The following NR3C2 variants were observed in gnomAD, a reference collection of about 807,000 sequenced individuals.
The protein encoded by NR3C2 is nuclear receptor subfamily 3 group C member 2.
In NR3C2, 15 loss-of-function variants were observed where a neutral mutation model predicts 86.4. That is an observed-to-expected ratio of 0.17 (90% CI 0.12 to 0.27). The LOEUF (loss-of-function observed/expected upper bound fraction) is 0.27. NR3C2 is among the 10% of genes least tolerant of loss of function. The probability of loss-of-function intolerance (pLI) is 1.00; values close to 1 mark genes in which losing one functional copy is unlikely to be tolerated. For missense variants in NR3C2, 960 were observed against 1,195.6 expected, an observed-to-expected ratio of 0.80 and a Z score of 2.91; for synonymous variants, 458 against 450.5, an observed-to-expected ratio of 1.02 and a Z score of -0.21.
chr4:148,176,869 A>T (rs972493568), intron 4 of NR3C2, among the ~76,000 whole-genome samples: 5 of 152,240 alleles, frequency 3.3e-5, no homozygotes, highest in African/African-American at 1.2e-4. Context: ...AATATGAAAA[A>T]TAATTATATG....
chr4:148,104,329 G>GTGTTTTTGTT (rs148860343), intron 8 of NR3C2, among the ~76,000 whole-genome samples: 5,710 of 124,526 alleles, frequency 0.046, 450 homozygotes, highest in African/African-American at 0.17. Flanking sequence ...TTGTTTTTTT[G>GTGTTTTTGTT]TGTTTTGGTT....
intron 3 of NR3C2, among the ~76,000 whole-genome samples, chr4:148,259,191 C>G (rs918150343): frequency 6.6e-6 from 1 of 152,148 alleles, no homozygotes; most frequent in African/African-American, 2.4e-5. Context: ...TGTGGAGCCC[C>G]TTAGTGAATG....
Position 148,131,546 on chromosome 4 carries a change from C to T in NR3C2, c.2511-11258G>A, listed in dbSNP as rs72961545. 7.2e-5 allele frequency among the ~76,000 whole-genome samples: 11 copies of T among 152,200 alleles called. No individual in the cohort carries two copies. In the East Asian group the frequency reaches 2.1e-3, roughly 29 times the overall value. ...TATTAATTTTTCCTCAACTGACAAA[C>T]AAGATGTATCTGTAGAAGGACCATT... On this transcript the variant is annotated intron_variant, in intron 6 of 8. Transcript: ENST00000358102.
intron 8 of NR3C2, among the ~76,000 whole-genome samples, chr4:148,102,719 A>G (rs1731594423): frequency 6.6e-6 from 1 of 152,210 alleles, no homozygotes; most frequent in African/African-American, 2.4e-5. Flanking sequence ...AATCTGTCAG[A>G]CAGCACCATT....
At chr4:148,177,496 A>G (rs989041407) in intron 4 of NR3C2, among the ~76,000 whole-genome samples, 13 of 152,214 alleles carry the variant, frequency 8.5e-5, no homozygotes, top group Admixed American at 5.2e-4. Context: ...ATTCAGTGTG[A>G]AAATGGGGAA....
At chr4:148,223,162 A>G (rs571834954) in intron 3 of NR3C2, among the ~76,000 whole-genome samples, 3 of 152,118 alleles carry the variant, frequency 2.0e-5, no homozygotes, top group African/African-American at 4.8e-5. Context: ...TCGGCCCTAC[A>G]CTGACACTCC....
intron 4 of NR3C2, among the ~76,000 whole-genome samples, chr4:148,178,075 C>A (rs1022372477): frequency 6.6e-6 from 1 of 152,230 alleles, no homozygotes; most frequent in Non-Finnish European, 1.5e-5. Flanking sequence ...CAGTGGCTCA[C>A]GCCTGTAATC....
rs72658608 is a variant in NR3C2 at position 148,391,175 on chromosome 4, G to A, written c.1757+43929C>T. Among the ~76,000 whole-genome samples the A allele has an allele frequency of 8.7e-4, 133 of 152,166 alleles. 1 individual carries two copies. The highest frequency in any genetic ancestry group is 3.0e-3 in the African/African-American group (125 of 41,512). ...CCCACACATATTTATAAACCAAACA[G>A]GGTCTCAGCCTCTTGTTAGATCCCA... On this transcript the variant is annotated intron_variant, in intron 2 of 8. Transcript: ENST00000358102.
chr4:148,336,793 GTTTT>G (rs1423762413), intron 2 of NR3C2, among the ~76,000 whole-genome samples: 1 of 152,038 alleles, frequency 6.6e-6, no homozygotes, highest in Non-Finnish European at 1.5e-5. Flanking sequence ...GTTTTGATTT[GTTTT>G]TTTCTTTTTC....
intron 2 of NR3C2, among the ~76,000 whole-genome samples, chr4:148,382,552 G>C (rs561506266): frequency 6.6e-6 from 1 of 152,090 alleles, no homozygotes; most frequent in Non-Finnish European, 1.5e-5. Context: ...GTAACTCAGT[G>C]GGAGTTATGA....
intron 2 of NR3C2, among the ~76,000 whole-genome samples, chr4:148,329,273 T>C (rs1196308660): frequency 1.3e-5 from 2 of 152,208 alleles, no homozygotes; most frequent in Admixed American, 1.3e-4. Context: ...TTTTCTGTTC[T>C]TTCTCTGCCA....
At chr4:148,273,027 G>A (rs754962180) in intron 2 of NR3C2, among the ~76,000 whole-genome samples, 4 of 152,058 alleles carry the variant, frequency 2.6e-5, no homozygotes, top group Non-Finnish European at 5.9e-5. Flanking sequence ...GCCATGTACC[G>A]GGGCCAGATG....
intron 2 of NR3C2, among the ~76,000 whole-genome samples, chr4:148,358,403 T>C (rs921236691): frequency 1.4e-5 from 2 of 141,256 alleles, no homozygotes; most frequent in Non-Finnish European, 3.0e-5. Context: ...TTCTCACTCA[T>C]AGGTGGGAAT....
intron 3 of NR3C2, among the ~76,000 whole-genome samples, chr4:148,201,290 A>T (rs946675510): frequency 3.3e-5 from 5 of 152,128 alleles, no homozygotes; most frequent in African/African-American, 1.2e-4. Flanking sequence ...CAGGGAGGGG[A>T]GATGGGCAGG....
Position 148,081,078 on chromosome 4 carries a change from T to C in NR3C2, c.*266A>G. The C allele has an allele frequency of 2.0e-6, 1 of 495,486 alleles. No homozygotes were observed. Among genetic ancestry groups the C allele is most frequent in the Non-Finnish European group, 3.7e-6 (1 of 270,276 alleles). 30.7% of individuals were successfully genotyped at this position (495,486 alleles called of 1,614,324 possible). A position where few individuals can be genotyped will look rare whatever the true frequency, so the allele number is the denominator to read the frequency against. Reference sequence around the variant, plus strand: ...ATCAAAATCAGAGTTATTGACTAGATATGGCTTTTCATCCCGAGGAACAGG... The same window carrying C: ...ATCAAAATCAGAGTTATTGACTAGACATGGCTTTTCATCCCGAGGAACAGG... On this transcript the variant is annotated 3_prime_UTR_variant, in exon 9 of 9. Coordinates refer to ENST00000358102, the MANE Select transcript of NR3C2 (RefSeq NM_000901.5).
intron 6 of NR3C2, among the ~76,000 whole-genome samples, chr4:148,129,418 G>T (rs1732912288): frequency 6.6e-6 from 1 of 152,120 alleles, no homozygotes; most frequent in African/African-American, 2.4e-5. Flanking sequence ...TTTGCAAGAT[G>T]AAAAAGTTCT....
chr4:148,269,226 G>A (rs752245945), intron 2 of NR3C2, among the ~76,000 whole-genome samples: 2 of 152,160 alleles, frequency 1.3e-5, no homozygotes, highest in Non-Finnish European at 2.9e-5. Flanking sequence ...AGCAAGATAA[G>A]GCAGAATCTG....
intron 8 of NR3C2, among the ~76,000 whole-genome samples, chr4:148,087,383 T>C (rs1006313192): frequency 2.0e-5 from 3 of 152,160 alleles, no homozygotes; most frequent in Non-Finnish European, 4.4e-5. Context: ...TTCACAGAAT[T>C]AGAAAAAAAC....
intron 2 of NR3C2, among the ~76,000 whole-genome samples, chr4:148,370,679 T>C (rs934518622): frequency 3.9e-5 from 6 of 152,268 alleles, no homozygotes; most frequent in Middle Eastern, 3.4e-3. Flanking sequence ...TGCTAAAATA[T>C]AGATATCTGG....
Sources: gnomAD v4.1 joint callset for allele counts (sites outside exome capture counted in the v4.1 genomes callset) on GRCh38, gnomAD v4.1.1 for gene constraint, MANE v1.5 for transcripts, NCBI Gene and HGNC (gene_info 2026-07-23, HGNC 2026-07-21) for gene names.